Variants in PIAS2 observed in about 807,000 individuals in gnomAD.
The protein encoded by PIAS2 is E3 SUMO-protein ligase PIAS2.
A neutral mutation model predicts 69.7 loss-of-function variants in PIAS2; 19 were observed. That is an observed-to-expected ratio of 0.27 (90% confidence interval 0.19 to 0.40). The LOEUF is 0.40. Among genes scored for constraint, PIAS2 ranks in the 10% least tolerant of loss-of-function variants. PIAS2 has a pLI of 1.00. For synonymous variants in PIAS2, 261 were observed against 263.2 expected, an observed-to-expected ratio of 0.99 and a Z score of 0.08; for missense variants, 624 against 757.0, an observed-to-expected ratio of 0.82 and a Z score of 2.06.
chr18:46,843,383 G>A (rs1023891323), intron 8 of PIAS2, among the ~76,000 whole-genome samples: 1 of 152,118 alleles, frequency 6.6e-6, no homozygotes. Flanking sequence ...ACCGGAAAGG[G>A]TTCCCCTCCA....
chr18:46,817,579 T>C (rs1040531333), intron 12 of PIAS2: 34 of 922,886 alleles, frequency 3.7e-5, no homozygotes, highest in Non-Finnish European at 4.0e-5. Flanking sequence ...TATCTGTATA[T>C]TGATACCTCA....
intron 8 of PIAS2, among the ~76,000 whole-genome samples, chr18:46,841,758 GA>G (rs1005831476): frequency 7.2e-5 from 11 of 152,048 alleles, no homozygotes; most frequent in Non-Finnish European, 1.5e-4. Context: ...TGAGCAGAGA[GA>G]AAAAAACATT....
At chr18:46,883,668 A>G (rs148231567) in intron 2 of PIAS2, among the ~76,000 whole-genome samples, 2 of 151,854 alleles carry the variant, frequency 1.3e-5, no homozygotes, top group Non-Finnish European at 1.5e-5. Flanking sequence ...GCAAAATCTC[A>G]TATCTACAAA....
intron 1 of PIAS2, among the ~76,000 whole-genome samples, chr18:46,900,061 C>T (rs2055557762): frequency 6.6e-6 from 1 of 152,138 alleles, no homozygotes; most frequent in African/African-American, 2.4e-5. Context: ...CCAACATCGT[C>T]TCTACTAAAA....
At chr18:46,836,582 T>C in intron 8 of PIAS2, 65 bp from the exon 9 acceptor site, 1 of 1,251,130 alleles carries the variant, frequency 8.0e-7, no homozygotes, top group Non-Finnish European at 1.1e-6. Context: ...GGGAACATGG[T>C]CAGTTGTAAA....
intron 2 of PIAS2, among the ~76,000 whole-genome samples, chr18:46,888,839 T>C (rs545123282): frequency 6.6e-6 from 1 of 152,202 alleles, no homozygotes; most frequent in Non-Finnish European, 1.5e-5. Context: ...CACCTCCCGC[T>C]GTGCGACCTG....
chr18:46,876,344 T>C (rs1219157655), intron 2 of PIAS2, among the ~76,000 whole-genome samples: 1 of 152,198 alleles, frequency 6.6e-6, no homozygotes, highest in African/African-American at 2.4e-5. Context: ...AATCAGATAG[T>C]GCAGGGTTTG....
rs35451178 is a variant in PIAS2, at chr18:46,828,030, G to A, written c.1437C>T (p.Asp479=). ...TTTTGGCAGGAGGGTCTTCCTCTTCGTCAGAAGAGCTTTCTATTGTAAGAT... is the reference window on the plus strand; with the variant it reads ...TTTTGGCAGGAGGGTCTTCCTCTTCATCAGAAGAGCTTTCTATTGTAAGAT... The part of the protein sequence containing the change: ...VIDLTIESSS[D]EEEDPPAKRK... Residue 479 remains aspartate, a synonymous_variant, in exon 11 of 14, where the codon GAC becomes GAT. Coordinates refer to ENST00000585916, the MANE Select transcript of PIAS2 (RefSeq NM_004671.5). 0.026 allele frequency: 42,267 copies of A among 1,613,318 alleles called. 653 individuals are homozygous for A. The highest frequency in any genetic ancestry group is 0.03 in the Non-Finnish European group (35,027 of 1,179,410).
intron 13 of PIAS2, among the ~76,000 whole-genome samples, chr18:46,814,048 A>G (rs1360407954): frequency 1.3e-5 from 2 of 152,176 alleles, no homozygotes; most frequent in Non-Finnish European, 1.5e-5. Flanking sequence ...CTTATAGGAA[A>G]AAGATACTCA....
chr18:46,895,647 G>C (rs1264528502), intron 1 of PIAS2, among the ~76,000 whole-genome samples: 1 of 152,110 alleles, frequency 6.6e-6, no homozygotes, highest in Non-Finnish European at 1.5e-5. Context: ...CTCCAGCCTG[G>C]GTGACAGAGT....
chr18:46,863,761 T>C (rs1599907063), intron 3 of PIAS2, among the ~76,000 whole-genome samples: 1 of 152,292 alleles, frequency 6.6e-6, no homozygotes, highest in East Asian at 1.9e-4. Flanking sequence ...GAGAAACAGG[T>C]CAACTGTTAT....
chr18:46,901,406 T>A (rs1213404880), intron 1 of PIAS2: 1 of 160,508 alleles, frequency 6.2e-6, no homozygotes, highest in Non-Finnish European at 1.4e-5. Flanking sequence ...CAAAACTGTC[T>A]CCAAAAAAAA....
intron 5 of PIAS2, among the ~76,000 whole-genome samples, chr18:46,851,756 A>C (rs1599734622): frequency 6.6e-6 from 1 of 152,248 alleles, no homozygotes; most frequent in African/African-American, 2.4e-5. Flanking sequence ...GCCATTTTCA[A>C]AGTAATACCA....
At chr18:46,898,848 G>A (rs951310714) in intron 1 of PIAS2, among the ~76,000 whole-genome samples, 1 of 151,828 alleles carries the variant, frequency 6.6e-6, no homozygotes, top group African/African-American at 2.4e-5. Context: ...ACAAATATTA[G>A]CCGGGCGTGA....
chr18:46,910,150 C>T (rs1057495596), intron 1 of PIAS2, among the ~76,000 whole-genome samples: 1 of 151,856 alleles, frequency 6.6e-6, no homozygotes, highest in African/African-American at 2.4e-5. Flanking sequence ...GAGCAAAACT[C>T]CGTCTCAAAA....
chr18:46,846,048 T>C (rs2046123740), intron 6 of PIAS2, among the ~76,000 whole-genome samples: 1 of 152,192 alleles, frequency 6.6e-6, no homozygotes, highest in African/African-American at 2.4e-5. Context: ...CTGAAGCTGA[T>C]GGTCAGAAAT....
intron 1 of PIAS2, chr18:46,917,044 G>A (rs897580391): frequency 1.0e-6 from 1 of 987,882 alleles, no homozygotes; most frequent in African/African-American, 1.7e-5. Flanking sequence ...CCTCCTGGAG[G>A]GCGCCCCGAC....
In PIAS2 at chr18:46,893,457, TAGG is replaced by T. The variant is rs560826000; in HGVS notation, c.25-2406_25-2404del. The T allele has an allele frequency of 7.1e-6, 7 of 984,148 alleles. No homozygotes were observed. In the East Asian group the frequency reaches 5.7e-4, roughly 80 times the overall value. 61.0% of individuals were successfully genotyped at this position (984,148 alleles called of 1,614,324 possible). ...TAAGCTTGACTCTCAGAGGAATTTC[TAGG>T]AGGTCTCATATCTCATATTTCCAGT... On this transcript the variant is annotated intron_variant, in intron 1 of 13. Transcript: ENST00000585916.
At position 46,833,316 on chromosome 18, in the gene PIAS2, T is replaced by C. The variant is rs563484008; in HGVS notation, c.1202+3041A>G. ...AGCACATAGTTTATGATTCCATTCA[T>C]ATAAAAGTCTAGAAAATCCAAACTA... On this transcript the variant is annotated intron_variant, in intron 9 of 13. Transcript: ENST00000585916. Among the ~76,000 whole-genome samples, 16 of 152,314 alleles carry C rather than the reference T, an allele frequency of 1.1e-4. No individual in the cohort carries two copies. In the East Asian group the frequency reaches 2.7e-3, roughly 26 times the overall value.
Sources: allele counts gnomAD v4.1 joint callset (sites outside exome capture counted in the v4.1 genomes callset), GRCh38; gene constraint gnomAD v4.1.1; transcripts MANE v1.5; gene names NCBI Gene and HGNC (gene_info 2026-07-23, HGNC 2026-07-21).